The following RANGAP1 variants were observed in gnomAD, a reference collection of about 807,000 sequenced individuals.
The protein encoded by RANGAP1 is ran GTPase-activating protein 1.
A neutral mutation model predicts 63.5 loss-of-function variants in RANGAP1; 38 were observed. The ratio of observed to expected loss-of-function variants is 0.60; its 90% CI spans 0.46 to 0.78. The LOEUF (loss-of-function observed/expected upper bound fraction) is 0.78. RANGAP1 is among the 30% of genes least tolerant of loss of function. The pLI, the probability that RANGAP1 is intolerant of heterozygous loss-of-function variation, is 0.00. For synonymous variants in RANGAP1, 329 were observed against 310.5 expected (o/e 1.06, Z -0.63); for missense variants, 630 against 740.3 (o/e 0.85, Z 1.73).
chr22:41,265,033 G>C (rs1387163038), intron 4 of RANGAP1, among the ~76,000 whole-genome samples, 190 bp from the exon 5 acceptor site: 1 of 152,248 alleles, frequency 6.6e-6, no homozygotes, highest in Non-Finnish European at 1.5e-5. Context: ...TGGAGAGTGG[G>C]GGATGCGTAT....
chr22:41,261,438 C>A lies in RANGAP1; in HGVS notation c.615+8G>T. The A allele has an allele frequency of 1.2e-6, 2 of 1,614,168 alleles. No homozygotes were observed. Among genetic ancestry groups the A allele is most frequent in the South Asian group, 1.1e-5 (1 of 91,084 alleles). On this transcript the variant is annotated splice_region_variant and intron_variant, in intron 6 of 15. Coordinates refer to ENST00000356244, the MANE Select transcript of RANGAP1 (RefSeq NM_002883.4). ...GCTGCAGGGGCAGGATGGACAGAAA[C>A]CACTCACCCTAAAAGCTTCTGCCAA...
intron 2 of RANGAP1, among the ~76,000 whole-genome samples, chr22:41,276,163 ACACACATG>A (rs1175072907): frequency 6.6e-6 from 1 of 152,234 alleles, no homozygotes; most frequent in Non-Finnish European, 1.5e-5. Flanking sequence ...TCACACACAA[ACACACATG>A]CACACATGTG....
chr22:41,279,863 C>T (rs1487169436), intron 2 of RANGAP1, among the ~76,000 whole-genome samples: 1 of 149,968 alleles, frequency 6.7e-6, no homozygotes, highest in East Asian at 1.9e-4. Context: ...TTTGGGAGGC[C>T]AAGGTGGGCA....
chr22:41,296,766 C>T, the RANGAP1 span, among the ~76,000 whole-genome samples: 1 of 152,036 alleles, frequency 6.6e-6, no homozygotes, highest in African/African-American at 2.4e-5. Flanking sequence ...GATATATGTA[C>T]GTATGAGAGA....
At chr22:41,266,229 G>C (rs2034468678) in intron 4 of RANGAP1, among the ~76,000 whole-genome samples, 2 of 149,672 alleles carry the variant, frequency 1.3e-5, no homozygotes, top group South Asian at 4.2e-4. Flanking sequence ...CTAGCCCCTG[G>C]CGATCTGGCC....
chr22:41,274,316 T>A (rs950447950), intron 3 of RANGAP1, among the ~76,000 whole-genome samples: 1 of 152,218 alleles, frequency 6.6e-6, no homozygotes, highest in Non-Finnish European at 1.5e-5. Context: ...CCACCTCACA[T>A]GTGACAGCTC....
At chr22:41,276,060 G>A (rs2035123943) in intron 2 of RANGAP1, among the ~76,000 whole-genome samples, 1 of 152,180 alleles carries the variant, frequency 6.6e-6, no homozygotes, top group South Asian at 2.1e-4. Flanking sequence ...GATGACACAG[G>A]TGTTTCTGAC....
chr22:41,258,120 G>A lies in RANGAP1; in HGVS notation c.616-14C>T. 6.3e-7 allele frequency: 1 copy of A among 1,585,662 alleles called. No individual in the cohort carries two copies. The highest frequency in any genetic ancestry group is 8.6e-7 in the Non-Finnish European group (1 of 1,161,770). On this transcript the variant is annotated splice_polypyrimidine_tract_variant and intron_variant, in intron 6 of 15. Coordinates refer to ENST00000356244, the MANE Select transcript of RANGAP1 (RefSeq NM_002883.4). ...GGTCCCGATGACCTGTGAAGAGGAG[G>A]CAGAGAGTGGAGGGGGCCCCGAGTG...
rs149125951 is a variant in RANGAP1 at position 41,256,425 on chromosome 22, A to G, written c.889-135T>C. The stretch of plus-strand genomic sequence containing the variant: ...AGGTGGGGCAAAGTGGGCAGGAAGA[A>G]TAACACCAACAACAAAAATAATGCC... On this transcript the variant is annotated intron_variant, in intron 8 of 15. Transcript: ENST00000356244. 1.2e-3 allele frequency: 984 copies of G among 816,744 alleles called. 2 individuals carry two copies. In the Middle Eastern group the frequency reaches 0.017, roughly 14 times the overall value. The allele number at this position is 816,744 out of a possible 1,614,324, so 50.6% of individuals were successfully genotyped here.
the RANGAP1 span, among the ~76,000 whole-genome samples, chr22:41,295,166 C>G: frequency 6.8e-6 from 1 of 146,242 alleles, no homozygotes; most frequent in African/African-American, 2.7e-5. Flanking sequence ...TGAGGAGCCC[C>G]TCTGCCCGGC....
chr22:41,257,926 GGCTCT>G lies in RANGAP1; in HGVS notation c.774+17_774+21del. The stretch of plus-strand genomic sequence containing the variant: ...AGCCTCTATCTGGCGGGGCCCAACT[GGCTCT>G]GCCACACTCGCCTCACCTCGGCCAT... On this transcript the variant is annotated intron_variant, in intron 7 of 15. Coordinates refer to ENST00000356244, the MANE Select transcript of RANGAP1 (RefSeq NM_002883.4). The surrounding 1 kb of genome is among the most constrained non-coding windows in gnomAD (Gnocchi z 4.0). 6.3e-7 allele frequency: 1 copy of G among 1,581,516 alleles called. No individual in the cohort carries two copies.
rs753133377 is a variant in RANGAP1 at position 41,256,081 on chromosome 22, C to T, written c.1013G>A (p.Cys338Tyr). The T allele has an allele frequency of 6.2e-7, 1 of 1,614,128 alleles. No homozygotes were observed. The highest frequency in any genetic ancestry group is 2.2e-5 in the East Asian group (1 of 44,888). Residue 338 changes from cysteine to tyrosine, a missense_variant, in exon 10 of 16, where the codon TGT (cysteine) becomes TAT (tyrosine). Cys to Tyr is a radical substitution (Grantham distance 194). Transcript: ENST00000356244. Reference protein sequence around the residue: ...LNGNTLGEEGCEQLQEVLEGF... With the variant: ...LNGNTLGEEGYEQLQEVLEGF... Reference sequence around the variant, plus strand: ...CTCCAGCACCTCCTGAAGCTGTTCACAGCCTTCTTCTCCCAGGGTGTTGCC... The same window carrying T: ...CTCCAGCACCTCCTGAAGCTGTTCATAGCCTTCTTCTCCCAGGGTGTTGCC...
chr22:41,288,280 C>T (rs1213845842), upstream of RANGAP1, among the ~76,000 whole-genome samples: 2 of 152,228 alleles, frequency 1.3e-5, no homozygotes, highest in Non-Finnish European at 2.9e-5. Flanking sequence ...CAAAGCCCCA[C>T]AGCAGTTGGC....
At chr22:41,277,514 T>A in intron 2 of RANGAP1, 1 of 1,193,672 alleles carries the variant, frequency 8.4e-7, no homozygotes, top group Non-Finnish European at 1.1e-6. Context: ...CAGGATGGAG[T>A]AGGGTGACAT....
At chr22:41,296,983 G>A in the RANGAP1 span, among the ~76,000 whole-genome samples, 1 of 152,200 alleles carries the variant, frequency 6.6e-6, no homozygotes, top group Admixed American at 6.5e-5. Context: ...GGCCGAGGCG[G>A]ACAGATCACT....
upstream of RANGAP1, among the ~76,000 whole-genome samples, chr22:41,290,229 CTT>C (rs11336113): frequency 1.9e-3 from 202 of 108,252 alleles, 1 homozygote; most frequent in African/African-American, 3.9e-3. Context: ...ATTATTATTA[CTT>C]TTTTTTTTTT....
intron 11 of RANGAP1, among the ~76,000 whole-genome samples, chr22:41,253,234 T>G (rs1321906620): frequency 1.3e-5 from 2 of 152,032 alleles, no homozygotes; most frequent in African/African-American, 4.8e-5. Context: ...TCCCTGGGAC[T>G]CAAAAAACCT....
chr22:41,285,699 T>G (rs927106978), intron 1 of RANGAP1: 10 of 984,356 alleles, frequency 1.0e-5, no homozygotes, highest in Non-Finnish European at 1.2e-5. Flanking sequence ...TCGCACCGCC[T>G]CCGGTTGACA....
At chr22:41,294,918 CGGGAGGGAGGTGGGGGAT>C in the RANGAP1 span, among the ~76,000 whole-genome samples, 7 of 97,064 alleles carry the variant, frequency 7.2e-5, no homozygotes, top group South Asian at 4.0e-4. Context: ...CCGCCCCATC[CGGGAGGGAGGTGGGGGAT>C]CAGCCCCCCG....
Sources: allele counts gnomAD v4.1 joint callset (sites outside exome capture counted in the v4.1 genomes callset), GRCh38; gene constraint gnomAD v4.1.1; non-coding constraint Gnocchi (gnomAD v3.1); transcripts MANE v1.5; gene names NCBI Gene and HGNC (gene_info 2026-07-23, HGNC 2026-07-21).